PSMD5: variants seen among roughly 807,000 people sequenced by gnomAD.
PSMD5 encodes proteasome 26S subunit, non-ATPase 5, also known as 26S proteasome non-ATPase regulatory subunit 5.
In PSMD5, 40 loss-of-function variants were observed where a neutral mutation model predicts 52.1. The observed-to-expected ratio is 0.77, with a 90% confidence interval of 0.60 to 1.00. PSMD5 has a LOEUF of 1.00. Ranked by LOEUF, PSMD5 falls within the 50% of genes least tolerant of loss-of-function variation. PSMD5 has a pLI of 0.00. For missense variants in PSMD5, 575 were observed against 605.2 expected (o/e 0.95, Z 0.52); for synonymous variants, 211 against 226.6 (o/e 0.93, Z 0.62).
chr9:120,820,492 G>C (rs2045076094), intron 9 of PSMD5, among the ~76,000 whole-genome samples: 1 of 152,172 alleles, frequency 6.6e-6, no homozygotes, highest in Non-Finnish European at 1.5e-5. Flanking sequence ...AAAACAAACA[G>C]TTTGGTACCA....
rs71385094 is a variant in PSMD5, at chr9:120,833,672, C to CTTTTTT, written c.174-222_174-217dup. Among the ~76,000 whole-genome samples the CTTTTTT allele has an allele frequency of 9.0e-4, 77 of 85,612 alleles. 1 individual carries two copies. Among genetic ancestry groups the CTTTTTT allele is most frequent in the Non-Finnish European group, 1.1e-3 (49 of 46,584 alleles). 56.2% of individuals were successfully genotyped at this position (85,612 alleles called of 152,430 possible). A position where few individuals can be genotyped will look rare whatever the true frequency, so the allele number is the denominator to read the frequency against. ...AGAATAAGATATGCACTCTAGTCTT[C>CTTTTTT]TTTTTTTTTTTTTTTTTTTTTTTTG... On this transcript the variant is annotated intron_variant, in intron 1 of 9. Coordinates refer to ENST00000210313, the MANE Select transcript of PSMD5 (RefSeq NM_005047.4).
At chr9:120,818,191 T>C in intron 9 of PSMD5, 28 bp from the exon 10 acceptor site, 1 of 1,587,930 alleles carries the variant, frequency 6.3e-7, no homozygotes, top group Non-Finnish European at 8.6e-7. Context: ...AAGAATACAA[T>C]TCCCCTGAGT....
intron 1 of PSMD5, among the ~76,000 whole-genome samples, chr9:120,839,342 A>C (rs1443851219): frequency 2.0e-5 from 3 of 152,258 alleles, no homozygotes; most frequent in African/African-American, 7.2e-5. Flanking sequence ...GATTAGCACC[A>C]GCTGACTCGA....
chr9:120,834,959 C>T (rs2045188464), intron 1 of PSMD5, among the ~76,000 whole-genome samples: 1 of 152,198 alleles, frequency 6.6e-6, no homozygotes, highest in Non-Finnish European at 1.5e-5. Context: ...ATTTTCTTGT[C>T]TCTTAATAGA....
Position 120,817,835 on chromosome 9 carries a change from AT to A in PSMD5, c.*70del. The A allele has an allele frequency of 6.8e-7, 1 of 1,460,558 alleles. No homozygotes were observed. The highest frequency in any genetic ancestry group is 9.3e-7 in the Non-Finnish European group (1 of 1,076,892). The allele number at this position is 1,460,558 out of a possible 1,614,324, so 90.5% of individuals were successfully genotyped here. ...GGAAAGGAAGTCTCTTTTGTGAAAT[AT>A]AGATGGAGTCAAATGCCTTAGGAGA... On this transcript the variant is annotated 3_prime_UTR_variant, in exon 10 of 10. Coordinates refer to ENST00000210313, the MANE Select transcript of PSMD5 (RefSeq NM_005047.4).
intron 6 of PSMD5, chr9:120,826,462 A>C (rs1588068356): frequency 4.0e-6 from 1 of 251,096 alleles, no homozygotes; most frequent in Non-Finnish European, 7.5e-6. Context: ...CTTTTCCCGC[A>C]TTACTTGGTT....
intron 1 of PSMD5, among the ~76,000 whole-genome samples, chr9:120,839,744 T>C (rs549551832): frequency 1.3e-5 from 2 of 152,134 alleles, no homozygotes; most frequent in Admixed American, 1.3e-4. Flanking sequence ...AAGTGGTTTT[T>C]TTTTCCTTTT....
In PSMD5 at chr9:120,831,498, G is replaced by A. The variant is rs769537293; in HGVS notation, c.433-39C>T. Reference sequence around the variant, plus strand: ...AAAATATCTCTTACATTCCCAAAATGCAGGTTATTATCTACTTCATAAGAG... The same window carrying A: ...AAAATATCTCTTACATTCCCAAAATACAGGTTATTATCTACTTCATAAGAG... On this transcript the variant is annotated intron_variant, in intron 3 of 9. Transcript: ENST00000210313. 6 of 1,565,490 alleles carry A rather than the reference G, an allele frequency of 3.8e-6. No homozygotes were observed. In the Admixed American group the frequency reaches 7.6e-5, roughly 20 times the overall value.
At chr9:120,824,087 C>G (rs1213868778) in intron 7 of PSMD5, 4 of 141,046 alleles carry the variant, frequency 2.8e-5, no homozygotes, top group South Asian at 1.2e-4. Context: ...GCCTGGGTAA[C>G]AGAGAGACAC....
Position 120,842,706 on chromosome 9 carries a change from TC to T in PSMD5, c.173+30del, listed in dbSNP as rs770310360. 66 of 1,611,500 alleles carry T rather than the reference TC, an allele frequency of 4.1e-5. No individual in the cohort carries two copies. In the Admixed American group the frequency reaches 1.1e-3, roughly 27 times the overall value. ...ATGTCCATATTTAGGGGTGCCCCTCTCCTCGGCTCAAGCCCCCGGGGTCCTC... is the reference window on the plus strand; with the variant it reads ...ATGTCCATATTTAGGGGTGCCCCTCTCTCGGCTCAAGCCCCCGGGGTCCTC... On this transcript the variant is annotated intron_variant, in intron 1 of 9. Transcript: ENST00000210313.
At chr9:120,840,497 G>A (rs939558097) in intron 1 of PSMD5, among the ~76,000 whole-genome samples, 3 of 151,774 alleles carry the variant, frequency 2.0e-5, no homozygotes, top group African/African-American at 7.3e-5. Context: ...CCAGGCTGGA[G>A]TGCAGTGGTG....
chr9:120,818,466 A>G (rs1376154290), intron 9 of PSMD5, among the ~76,000 whole-genome samples: 1 of 152,212 alleles, frequency 6.6e-6, no homozygotes, highest in Non-Finnish European at 1.5e-5. Context: ...TTTACAAAAA[A>G]TAGGAAATGA....
Position 120,824,541 on chromosome 9 carries a change from C to T in PSMD5, c.959G>A (p.Gly320Glu). 6.2e-7 allele frequency: 1 copy of T among 1,614,146 alleles called. No homozygotes were observed. Among genetic ancestry groups the T allele is most frequent in the East Asian group, 2.2e-5 (1 of 44,876 alleles). The part of the protein sequence containing the change: ...TMIGVAVDTV[G>E]ILGSNVEGKQ... ...TCCTTCAACATTGGATCCCAAGATT[C>T]CAACTGTGTCTACAGCTACACCAAT... is the stretch of plus-strand genomic sequence containing the variant. Residue 320 changes from glycine to glutamate, a missense_variant, in exon 7 of 10, where the codon GGA (glycine) becomes GAA (glutamate). Physicochemically the swap from Gly to Glu is moderately conservative, Grantham distance 98. Coordinates refer to ENST00000210313, the MANE Select transcript of PSMD5 (RefSeq NM_005047.4).
intron 6 of PSMD5, among the ~76,000 whole-genome samples, chr9:120,826,057 C>T (rs575976713): frequency 3.2e-4 from 47 of 148,352 alleles, no homozygotes; most frequent in African/African-American, 1.1e-3. Flanking sequence ...TGCAGTGGCG[C>T]GATCCTGGCT....
Position 120,829,215 on chromosome 9 carries a change from TA to T in PSMD5, c.562-8del, listed in dbSNP as rs558048919. On this transcript the variant is annotated splice_polypyrimidine_tract_variant and splice_region_variant and intron_variant, in intron 4 of 9. Transcript: ENST00000210313. ...AAGAAATCTCTATAATTAGCTGAAATAAAAAAAAAAACACAGAAAAAAGAAA... is the reference window on the plus strand; with the variant it reads ...AAGAAATCTCTATAATTAGCTGAAATAAAAAAAAAACACAGAAAAAAGAAA... 0.013 allele frequency: 14,584 copies of T among 1,149,280 alleles called. 3 individuals are homozygous for T. Among genetic ancestry groups the T allele is most frequent in the South Asian group, 0.028 (1,611 of 57,602 alleles). The allele number at this position is 1,149,280 out of a possible 1,614,324, so 71.2% of individuals were successfully genotyped here. A position where few individuals can be genotyped will look rare whatever the true frequency, so the allele number is the denominator to read the frequency against.
At chr9:120,827,958 G>A (rs1374602213) in intron 5 of PSMD5, among the ~76,000 whole-genome samples, 1 of 152,170 alleles carries the variant, frequency 6.6e-6, no homozygotes, top group Admixed American at 6.5e-5. Context: ...GTCAGCCATT[G>A]TACTGCTTTC....
intron 6 of PSMD5, 106 bp from the exon 7 acceptor site, chr9:120,824,791 T>C (rs905337514): frequency 3.2e-6 from 3 of 939,440 alleles, no homozygotes; most frequent in Non-Finnish European, 4.7e-6. Flanking sequence ...CAGAAAAGCA[T>C]AGAAAGGTTA....
At chr9:120,842,376 G>A (rs2131442550) in intron 1 of PSMD5, 1 of 254,974 alleles carries the variant, frequency 3.9e-6, no homozygotes. Flanking sequence ...ACATTGCCAG[G>A]ATAGGATCCT....
At chr9:120,826,663 G>T in intron 6 of PSMD5, 102 bp downstream of exon 6, 2 of 1,372,412 alleles carry the variant, frequency 1.5e-6, no homozygotes. Context: ...AGCTCTAAAG[G>T]AAAACAATCC....
Sources: allele counts gnomAD v4.1 joint callset (sites outside exome capture counted in the v4.1 genomes callset), GRCh38; gene constraint gnomAD v4.1.1; transcripts MANE v1.5; gene names NCBI Gene and HGNC (gene_info 2026-07-23, HGNC 2026-07-21).